PKD1L1: variants seen among roughly 807,000 people sequenced by gnomAD.
PKD1L1 encodes the protein polycystin 1 like 1, transient receptor potential channel interacting.
In PKD1L1, 236 loss-of-function variants were observed where a neutral mutation model predicts 323.4. That is an observed-to-expected ratio of 0.73 (90% CI 0.66 to 0.81). PKD1L1 has a LOEUF of 0.81. Among genes scored for constraint, PKD1L1 ranks in the 40% least tolerant of loss-of-function variants. PKD1L1 has a pLI of 0.00. For synonymous variants in PKD1L1, 1,344 were observed against 1,335.0 expected (o/e 1.01, Z -0.15); for missense variants, 3,320 against 3,508.0 (o/e 0.95, Z 1.35).
At chr7:47,949,406 C>T (rs1458254423), upstream of PKD1L1, among the ~76,000 whole-genome samples, 1 of 121,300 alleles carries the variant, frequency 8.2e-6, no homozygotes, top group Non-Finnish European at 1.6e-5. Flanking sequence ...TAACTGTCCA[C>T]AACTGCACTG....
chr7:47,857,614 A>G lies in PKD1L1; in HGVS notation c.4581T>C (p.Ala1527=), dbSNP rs770522664. ...ATCTGTCAGCTTGTACCTGCCCAGG[A>G]GCTTGGCTCCCTGGATATGGGTTCT... ...FKKNPYPGSQ[A]PGQIGGVVGL... The change falls in exon 28 of 57, where the codon GCT becomes GCC. Residue 1527 remains alanine, a synonymous_variant. Coordinates refer to ENST00000289672, the MANE Select transcript of PKD1L1 (RefSeq NM_138295.5). 3 of 1,613,654 alleles carry G rather than the reference A, an allele frequency of 1.9e-6. No individual in the cohort carries two copies.
At chr7:47,883,860 A>G (rs1786619613) in intron 19 of PKD1L1, among the ~76,000 whole-genome samples, 1 of 152,364 alleles carries the variant, frequency 6.6e-6, no homozygotes, top group South Asian at 2.1e-4. Flanking sequence ...TTTGACAGAT[A>G]AATCATTCAC....
In PKD1L1 at chr7:47,857,643, T is replaced by G. The variant is rs771816713; in HGVS notation, c.4552A>C (p.Lys1518Gln). The G allele has an allele frequency of 6.2e-7, 1 of 1,614,078 alleles. No individual in the cohort carries two copies. Among genetic ancestry groups the G allele is most frequent in the African/African-American group, 1.3e-5 (1 of 74,934 alleles). Residue 1518 changes from lysine to glutamine, a missense_variant, in exon 28 of 57, where the codon AAG becomes CAG. Coordinates refer to ENST00000289672, the MANE Select transcript of PKD1L1 (RefSeq NM_138295.5). ...TGGCTCCCTGGATATGGGTTCTTCT[T>G]GAAGAGTATGAGCTGGCTAATGTAG... ...PCYISQLILF[K>Q]KNPYPGSQAP...
intron 7 of PKD1L1, among the ~76,000 whole-genome samples, chr7:47,926,095 C>T (rs1787652296): frequency 6.6e-6 from 1 of 152,212 alleles, no homozygotes; most frequent in South Asian, 2.1e-4. Context: ...ATTCCCTTCC[C>T]TTTCCAGATC....
intron 27 of PKD1L1, among the ~76,000 whole-genome samples, chr7:47,858,373 A>G (rs1264578134): frequency 2.6e-5 from 4 of 152,186 alleles, no homozygotes; most frequent in South Asian, 2.1e-4. Context: ...AAAAAACAGA[A>G]GGTATCCTGA....
chr7:47,935,120 A>T (rs1787844007), intron 4 of PKD1L1, among the ~76,000 whole-genome samples: 2 of 152,214 alleles, frequency 1.3e-5, no homozygotes, highest in Non-Finnish European at 2.9e-5. Flanking sequence ...TGCTGATTCC[A>T]CTTGAAGATT....
intron 56 of PKD1L1, among the ~76,000 whole-genome samples, chr7:47,778,739 G>T (rs543337526): frequency 3.2e-4 from 48 of 152,260 alleles, no homozygotes; most frequent in Admixed American, 7.9e-4. Context: ...AGTCTCATAA[G>T]AATTTGAATT....
At position 47,877,623 on chromosome 7, in the gene PKD1L1, G is replaced by A; in HGVS notation, c.3529C>T (p.His1177Tyr). Reference protein sequence around the residue: ...YVLQVSVASKHGLLGKAQLYL... With the variant: ...YVLQVSVASKYGLLGKAQLYL... Reference sequence around the variant, plus strand: ...AGCTGAGCTTTACCCAGTAAGCCATGCTTCGAAGCTAAAGAGAAAGATGAA... The same window carrying A: ...AGCTGAGCTTTACCCAGTAAGCCATACTTCGAAGCTAAAGAGAAAGATGAA... Residue 1177 changes from histidine to tyrosine, a missense_variant, in exon 22 of 57, where the codon CAT (histidine) becomes TAT (tyrosine). His to Tyr is a moderately conservative substitution (Grantham distance 83). Coordinates refer to ENST00000289672, the MANE Select transcript of PKD1L1 (RefSeq NM_138295.5). 1.2e-6 allele frequency: 2 copies of A among 1,613,804 alleles called. No individual in the cohort carries two copies. The highest frequency in any genetic ancestry group is 8.5e-7 in the Non-Finnish European group (1 of 1,179,838).
In PKD1L1 at chr7:47,780,675, T is replaced by A. The variant is rs149630561; in HGVS notation, c.8527-5509A>T. Among the ~76,000 whole-genome samples, 624 of 152,342 alleles carry A rather than the reference T, an allele frequency of 4.1e-3. 1 individual carries two copies. The highest frequency in any genetic ancestry group is 7.1e-3 in the Non-Finnish European group (486 of 68,032). ...TAGAATCATATAGTATGTAACCTTT[T>A]GAGTTTGGCTTTTTGCACTCACTCA... is the stretch of plus-strand genomic sequence containing the variant. On this transcript the variant is annotated intron_variant, in intron 56 of 56. Transcript: ENST00000289672.
In PKD1L1 at chr7:47,813,484, G is replaced by A. The variant is rs777178448; in HGVS notation, c.7174-191C>T. The A allele has an allele frequency of 2.7e-4, 200 of 735,224 alleles. 1 individual carries two copies. Among genetic ancestry groups the A allele is most frequent in the Non-Finnish European group, 4.6e-4 (191 of 417,466 alleles). The allele number at this position is 735,224 out of a possible 1,614,324, so 45.5% of individuals were successfully genotyped here. A position where few individuals can be genotyped will look rare whatever the true frequency, so the allele number is the denominator to read the frequency against. ...CTCTAGCTCAAGCTACAGGATCAAG[G>A]TTCTACCCACAGAAGGTTGGCATCT... On this transcript the variant is annotated intron_variant, in intron 48 of 56. Transcript: ENST00000289672.
Position 47,827,447 on chromosome 7 carries a change from C to G in PKD1L1, c.6757G>C (p.Ala2253Pro). The change falls in exon 45 of 57, where the codon GCT becomes CCT. Residue 2253 changes from alanine to proline, a missense_variant. Ala to Pro is a conservative substitution (Grantham distance 27). Coordinates refer to ENST00000289672, the MANE Select transcript of PKD1L1 (RefSeq NM_138295.5). ...GGATGCGCCCAGCGCAGGTGGCGAG[C>G]TTGTTGTCGGGCAGCCAAGACCTGT... ...VEKVLAARQQ[A>P]RHLRWAHPPS... 1 of 1,610,312 alleles carries G rather than the reference C, an allele frequency of 6.2e-7. No homozygotes were observed. Among genetic ancestry groups the G allele is most frequent in the Non-Finnish European group, 8.5e-7 (1 of 1,179,144 alleles).
chr7:47,804,555 C>T (rs959023597), intron 52 of PKD1L1, among the ~76,000 whole-genome samples: 7 of 150,848 alleles, frequency 4.6e-5, no homozygotes, highest in Non-Finnish European at 1.0e-4. Flanking sequence ...CAACCTCCGC[C>T]TCCTGGTGAG....
chr7:47,873,292 G>C (rs917469921), intron 24 of PKD1L1, among the ~76,000 whole-genome samples: 1 of 152,118 alleles, frequency 6.6e-6, no homozygotes, highest in African/African-American at 2.4e-5. Flanking sequence ...CCAAGGAGTT[G>C]CATACTTTAA....
At chr7:47,924,584 AG>A (rs1787622527) in intron 7 of PKD1L1, among the ~76,000 whole-genome samples, 1 of 152,230 alleles carries the variant, frequency 6.6e-6, no homozygotes, top group Non-Finnish European at 1.5e-5. Context: ...TCATTAGCAA[AG>A]TCCTAACCCC....
chr7:47,791,656 T>C (rs546099550), intron 56 of PKD1L1, among the ~76,000 whole-genome samples: 1 of 152,346 alleles, frequency 6.6e-6, no homozygotes, highest in African/African-American at 2.4e-5. Flanking sequence ...TACTCCTCTC[T>C]ACATGTGGAA....
chr7:47,844,808 G>A (rs1476066562), intron 33 of PKD1L1, among the ~76,000 whole-genome samples, 187 bp downstream of exon 33: 4 of 152,084 alleles, frequency 2.6e-5, no homozygotes, highest in Non-Finnish European at 4.4e-5. Flanking sequence ...AGAGAGACAA[G>A]ATATATAAGT....
chr7:47,948,252 G>A lies in PKD1L1; in HGVS notation c.44+145C>T, dbSNP rs886175838. 37 of 892,528 alleles carry A rather than the reference G, an allele frequency of 4.1e-5. 1 individual carries two copies. Among genetic ancestry groups the A allele is most frequent in the Middle Eastern group, 4.4e-4 (2 of 4,496 alleles). 55.3% of individuals were successfully genotyped at this position (892,528 alleles called of 1,614,324 possible). A position where few individuals can be genotyped will look rare whatever the true frequency, so the allele number is the denominator to read the frequency against. On this transcript the variant is annotated intron_variant, in intron 1 of 56. Transcript: ENST00000289672. ...CTCCAACCTCTGAACTGACCCCGCCGGCCAAATGCACCCTCCTGGTACAGG... is the reference window on the plus strand; with the variant it reads ...CTCCAACCTCTGAACTGACCCCGCCAGCCAAATGCACCCTCCTGGTACAGG...
intron 19 of PKD1L1, 27 bp from the exon 20 acceptor site, chr7:47,882,112 T>C (rs925837717): frequency 2.5e-6 from 4 of 1,606,022 alleles, no homozygotes; most frequent in Non-Finnish European, 8.5e-7. Flanking sequence ...AGCCAATAGA[T>C]GTTAAAGAAA....
chr7:47,854,872 A>G lies in PKD1L1; in HGVS notation c.4859+10T>C, dbSNP rs17659956. The G allele has an allele frequency of 0.046, 73,670 of 1,613,296 alleles. 2,990 individuals carry two copies. The highest frequency in any genetic ancestry group is 0.21 in the East Asian group (9,385 of 44,878). On this transcript the variant is annotated intron_variant, in intron 30 of 56. Transcript: ENST00000289672. ...CTCCAATCTCATTGTAGCTGTCACC[A>G]TCAACACACCTTACTAGCAACATGA...
Sources: allele counts gnomAD v4.1 joint callset (sites outside exome capture counted in the v4.1 genomes callset), GRCh38; gene constraint gnomAD v4.1.1; transcripts MANE v1.5; gene names NCBI Gene and HGNC (gene_info 2026-07-23, HGNC 2026-07-21).